Variants in MTMR9 observed in about 807,000 individuals in gnomAD.
MTMR9 encodes myotubularin related protein 9.
In MTMR9, 39 loss-of-function variants were observed where a neutral mutation model predicts 69.5. The observed-to-expected ratio is 0.56, with a 90% CI of 0.43 to 0.73. The LOEUF (loss-of-function observed/expected upper bound fraction) is 0.73, where lower values mean the gene tolerates loss of function less well. Ranked by LOEUF, MTMR9 falls within the 30% of genes least tolerant of loss-of-function variation. The probability of loss-of-function intolerance (pLI) is 0.00; values close to 1 mark genes in which losing one functional copy is unlikely to be tolerated. For missense variants in MTMR9, 900 were observed against 671.2 expected, an observed-to-expected ratio of 1.34 and a Z score of -3.77; for synonymous variants, 354 against 240.8, an observed-to-expected ratio of 1.47 and a Z score of -4.35.
intron 9 of MTMR9, among the ~76,000 whole-genome samples, chr8:11,322,393 C>T (rs577533415): frequency 3.3e-5 from 5 of 152,272 alleles, no homozygotes; most frequent in South Asian, 2.1e-4. Context: ...TCTGAAGAAT[C>T]AATGAGCATG....
At position 11,304,933 on chromosome 8, in the gene MTMR9, T is replaced by C. The variant is rs370529017; in HGVS notation, c.510T>C (p.Asp170=). 66 of 1,613,966 alleles carry C rather than the reference T, an allele frequency of 4.1e-5. No homozygotes were observed. The highest frequency in any genetic ancestry group is 5.2e-5 in the Non-Finnish European group (61 of 1,179,972). ...PIVTVPKSID[D]EALRKVATFR... is the part of the protein sequence containing the mutation. ...TCACAGTGCCCAAATCCATCGATGA[T>C]GAAGCTCTTCGGAAGGTAGCTACAT... The change falls in exon 4 of 10, where the codon GAT becomes GAC. Residue 170 remains aspartate, a synonymous_variant. Transcript: ENST00000221086.
At position 11,284,860 on chromosome 8, in the gene MTMR9, C is replaced by T. The variant is rs201441814; in HGVS notation, c.-29C>T. 11 of 1,552,864 alleles carry T rather than the reference C, an allele frequency of 7.1e-6. No homozygotes were observed. Among genetic ancestry groups the T allele is most frequent in the African/African-American group, 1.6e-5 (1 of 60,768 alleles). ...GTAACCGCCTCGCACCTACCGGGCTCGGTTCCCTGGCTCCGGCCGCGGGGG... is the reference window on the plus strand; with the variant it reads ...GTAACCGCCTCGCACCTACCGGGCTTGGTTCCCTGGCTCCGGCCGCGGGGG... On this transcript the variant is annotated 5_prime_UTR_variant, in exon 1 of 10. Transcript: ENST00000221086.
At chr8:11,330,619 C>A (rs1307551338), downstream of MTMR9, among the ~76,000 whole-genome samples, 2 of 152,136 alleles carry the variant, frequency 1.3e-5, no homozygotes, top group African/African-American at 4.8e-5. Flanking sequence ...GACCTTGACC[C>A]CAGCCCTGTG....
At chr8:11,313,657 C>G (rs1397023949) in intron 6 of MTMR9, among the ~76,000 whole-genome samples, 1 of 152,160 alleles carries the variant, frequency 6.6e-6, no homozygotes, top group Admixed American at 6.5e-5. Context: ...TAGAGAGTCT[C>G]CCTGAAGAGA....
rs570325047 is a variant in MTMR9 at position 11,327,564 on chromosome 8, C to T, written c.*4776C>T. Reference sequence around the variant, plus strand: ...GTTTAAAACCTTACTGATCTAATACCATCTACACAAAAAAATGTTGTAGTT... The same window carrying T: ...GTTTAAAACCTTACTGATCTAATACTATCTACACAAAAAAATGTTGTAGTT... On this transcript the variant is annotated 3_prime_UTR_variant, in exon 10 of 10. Coordinates refer to ENST00000221086, the MANE Select transcript of MTMR9 (RefSeq NM_015458.4). 7 of 152,550 alleles carry T rather than the reference C, an allele frequency of 4.6e-5. No homozygotes were observed. The highest frequency in any genetic ancestry group is 1.4e-4 in the African/African-American group (6 of 41,478). 9.4% of individuals were successfully genotyped at this position (152,550 alleles called of 1,614,324 possible). A position where few individuals can be genotyped will look rare whatever the true frequency, so the allele number is the denominator to read the frequency against.
intron 2 of MTMR9, among the ~76,000 whole-genome samples, chr8:11,299,639 G>A (rs1248354846): frequency 2.0e-5 from 3 of 152,114 alleles, no homozygotes; most frequent in South Asian, 4.1e-4. Flanking sequence ...GGTAATAACT[G>A]GATTTTGAGC....
rs1310735354 is a variant in MTMR9 at position 11,324,645 on chromosome 8, C to G, written c.*1857C>G. The G allele has an allele frequency of 6.6e-6, 1 of 151,772 alleles. No homozygotes were observed. Among genetic ancestry groups the G allele is most frequent in the Non-Finnish European group, 1.5e-5 (1 of 67,980 alleles). 9.4% of individuals were successfully genotyped at this position (151,772 alleles called of 1,614,324 possible). On this transcript the variant is annotated 3_prime_UTR_variant, in exon 10 of 10. Transcript: ENST00000221086. Reference sequence around the variant, plus strand: ...AAGATTGTATATGAAGGAGGCTTTTCTTCTCAGCTAACAGGCATATAAGGA... The same window carrying G: ...AAGATTGTATATGAAGGAGGCTTTTGTTCTCAGCTAACAGGCATATAAGGA...
chr8:11,285,726 G>C (rs1272132613), intron 1 of MTMR9, among the ~76,000 whole-genome samples: 2 of 151,978 alleles, frequency 1.3e-5, no homozygotes, highest in Non-Finnish European at 2.9e-5. Context: ...ATCTTTCCAA[G>C]GCAGTGCCTC....
In MTMR9 at chr8:11,324,256, A is replaced by G. The variant is rs1404544205; in HGVS notation, c.*1468A>G. On this transcript the variant is annotated 3_prime_UTR_variant, in exon 10 of 10. Coordinates refer to ENST00000221086, the MANE Select transcript of MTMR9 (RefSeq NM_015458.4). ...CACTGAGAAGCCTTTGAAAATGGCA[A>G]ATACTTTTCATCACCAATTGCCCAA... is the stretch of plus-strand genomic sequence containing the variant. 1 of 152,224 alleles carries G rather than the reference A, an allele frequency of 6.6e-6. No homozygotes were observed. Among genetic ancestry groups the G allele is most frequent in the Non-Finnish European group, 1.5e-5 (1 of 68,034 alleles). The allele number at this position is 152,224 out of a possible 1,614,324, so 9.4% of individuals were successfully genotyped here.
At chr8:11,308,765 T>C (rs543161236) in intron 5 of MTMR9, among the ~76,000 whole-genome samples, 1 of 152,344 alleles carries the variant, frequency 6.6e-6, no homozygotes, top group South Asian at 2.1e-4. Flanking sequence ...AACCTTCAGC[T>C]AAAGGTTTGT....
At chr8:11,331,249 G>A (rs1801210418), downstream of MTMR9, 2 of 1,613,822 alleles carry the variant, frequency 1.2e-6, no homozygotes, top group Admixed American at 1.7e-5. Context: ...CTGGGTGGGG[G>A]CCTGCCTGCT....
rs1585118022 is a variant in MTMR9 at position 11,302,511 on chromosome 8, T to G, written c.418-2330T>G. On this transcript the variant is annotated intron_variant, in intron 3 of 9. Coordinates refer to ENST00000221086, the MANE Select transcript of MTMR9 (RefSeq NM_015458.4). ...GACAAATGACCTGCATGGTGTTAGATTAACAGAGGAAAAAAGTTTGATCAA... is the reference window on the plus strand; with the variant it reads ...GACAAATGACCTGCATGGTGTTAGAGTAACAGAGGAAAAAAGTTTGATCAA... Among the ~76,000 whole-genome samples the G allele has an allele frequency of 2.6e-5, 4 of 152,008 alleles. No homozygotes were observed. The South Asian group carries it at 8.3e-4, about 32-fold the overall frequency.
intron 9 of MTMR9, chr8:11,320,992 G>A: frequency 6.2e-6 from 1 of 160,026 alleles, no homozygotes; most frequent in Non-Finnish European, 1.4e-5. Context: ...GTTCACGTGT[G>A]GAAAACTATT....
At chr8:11,309,209 A>G (rs1800092523) in intron 5 of MTMR9, among the ~76,000 whole-genome samples, 1 of 152,110 alleles carries the variant, frequency 6.6e-6, no homozygotes, top group Non-Finnish European at 1.5e-5. Context: ...TGCAAATGTA[A>G]GTGGTGCTGT....
chr8:11,315,591 G>C lies in MTMR9; in HGVS notation c.1113+527G>C, dbSNP rs147989554. ...TTTTCAATATATTTCTACTGTGTAA[G>C]CTGGTAAATAATTGTATTTGAACAC... On this transcript the variant is annotated intron_variant, in intron 7 of 9. Transcript: ENST00000221086. Among the ~76,000 whole-genome samples, 562 of 152,294 alleles carry C rather than the reference G, an allele frequency of 3.7e-3. 4 individuals carry two copies. Among genetic ancestry groups the C allele is most frequent in the African/African-American group, 0.012 (504 of 41,554 alleles).
chr8:11,336,995 C>T, the MTMR9 span, among the ~76,000 whole-genome samples: 2 of 152,178 alleles, frequency 1.3e-5, no homozygotes, highest in African/African-American at 2.4e-5. Flanking sequence ...AAGCCAGAAG[C>T]TGTTTTTCAA....
chr8:11,321,328 T>G (rs1370180120), intron 9 of MTMR9: 1 of 444,918 alleles, frequency 2.2e-6, no homozygotes, highest in East Asian at 7.0e-5. Context: ...GGGTTCATGA[T>G]CTCTTAAACG....
downstream of MTMR9, chr8:11,328,243 A>C (rs1801036760): frequency 6.6e-6 from 1 of 152,046 alleles, no homozygotes; most frequent in South Asian, 2.1e-4. Context: ...ATTTTGAAAA[A>C]ATTGAGATCT....
intron 5 of MTMR9, among the ~76,000 whole-genome samples, chr8:11,307,745 A>C (rs1378643908): frequency 2.0e-5 from 3 of 152,130 alleles, no homozygotes; most frequent in Non-Finnish European, 4.4e-5. Flanking sequence ...CCATTCTAAC[A>C]GGGGTGAGGT....
Sources: gnomAD v4.1 joint callset for allele counts (sites outside exome capture counted in the v4.1 genomes callset) on GRCh38, gnomAD v4.1.1 for gene constraint, MANE v1.5 for transcripts, NCBI Gene and HGNC (gene_info 2026-07-23, HGNC 2026-07-21) for gene names.